Variants in VWA3A observed in about 807,000 individuals in gnomAD.
VWA3A encodes the protein von Willebrand factor A domain containing 3A.
A neutral mutation model predicts 160.4 loss-of-function variants in VWA3A; 134 were observed. The ratio of observed to expected loss-of-function variants is 0.84; its 90% confidence interval spans 0.73 to 0.96. The LOEUF (loss-of-function observed/expected upper bound fraction) is 0.96, where lower values mean the gene tolerates loss of function less well. VWA3A is among the 40% of genes least tolerant of loss of function. VWA3A has a pLI of 0.00. For synonymous variants in VWA3A, 476 were observed against 543.4 expected (o/e 0.88, Z 1.72); for missense variants, 1,310 against 1,447.9 (o/e 0.90, Z 1.55).
chr16:22,102,822 C>T (rs979405911), intron 5 of VWA3A, among the ~76,000 whole-genome samples: 10 of 152,170 alleles, frequency 6.6e-5, no homozygotes, highest in Non-Finnish European at 1.5e-4. Flanking sequence ...CCACCCTCCA[C>T]AGACCTGCCC....
chr16:22,136,486 G>A (rs914334856), intron 21 of VWA3A, among the ~76,000 whole-genome samples: 1 of 152,110 alleles, frequency 6.6e-6, no homozygotes, highest in Non-Finnish European at 1.5e-5. Flanking sequence ...GGCAGTTCAA[G>A]CCACAGTGAC....
intron 3 of VWA3A, among the ~76,000 whole-genome samples, chr16:22,098,349 A>G (rs913493099): frequency 2.6e-5 from 4 of 152,240 alleles, no homozygotes; most frequent in Non-Finnish European, 4.4e-5. Context: ...TGATTTACTT[A>G]GGTTCTGGCA....
At chr16:22,152,230 G>A (rs1313177819) in intron 30 of VWA3A, among the ~76,000 whole-genome samples, 2 of 152,066 alleles carry the variant, frequency 1.3e-5, no homozygotes, top group Non-Finnish European at 2.9e-5. Context: ...AAGAAATGGG[G>A]GCTGGAGTGT....
intron 8 of VWA3A, among the ~76,000 whole-genome samples, chr16:22,113,380 T>G (rs1279905734): frequency 1.6e-4 from 18 of 110,398 alleles, no homozygotes; most frequent in African/African-American, 9.4e-4. Flanking sequence ...TTTTTTTTTT[T>G]TTTTTTTTTT....
intron 6 of VWA3A, among the ~76,000 whole-genome samples, chr16:22,107,387 T>C (rs1189262306): frequency 6.6e-6 from 1 of 152,132 alleles, no homozygotes; most frequent in African/African-American, 2.4e-5. Context: ...ATGTCAATAG[T>C]GCCAAATGCC....
intron 1 of VWA3A, among the ~76,000 whole-genome samples, chr16:22,093,931 A>AT (rs1901434980): frequency 7.7e-6 from 1 of 130,224 alleles, no homozygotes; most frequent in Non-Finnish European, 1.5e-5. Flanking sequence ...TGCCCAGCTA[A>AT]TTTTTGTATT....
At chr16:22,141,853 G>C (rs1249274703) in intron 24 of VWA3A, among the ~76,000 whole-genome samples, 161 bp downstream of exon 24, 1 of 152,190 alleles carries the variant, frequency 6.6e-6, no homozygotes, top group Admixed American at 6.5e-5. Flanking sequence ...CCAGCCCTGG[G>C]AAATGGACAT....
At chr16:22,097,817 T>A in intron 3 of VWA3A, 122 bp downstream of exon 3, 1 of 1,303,934 alleles carries the variant, frequency 7.7e-7, no homozygotes, top group Non-Finnish European at 1.0e-6. Flanking sequence ...AAGGAGTAAT[T>A]AAGCATTTAT....
At position 22,110,180 on chromosome 16, in the gene VWA3A, T is replaced by G. The variant is rs144078664; in HGVS notation, c.582+600T>G. 1.5e-3 allele frequency among the ~76,000 whole-genome samples: 229 copies of G among 152,302 alleles called. 2 individuals are homozygous for G. Among genetic ancestry groups the G allele is most frequent in the African/African-American group, 5.3e-3 (222 of 41,568 alleles). On this transcript the variant is annotated intron_variant, in intron 7 of 33. Transcript: ENST00000389398. ...AATGGGGATGATAACCCTAAGTGGCTACCTAGGGTTGCCATAAGGGTAAAA... is the reference window on the plus strand; with the variant it reads ...AATGGGGATGATAACCCTAAGTGGCGACCTAGGGTTGCCATAAGGGTAAAA...
Position 22,092,581 on chromosome 16 carries a change from C to T in VWA3A, c.-57C>T. The T allele has an allele frequency of 5.8e-6, 9 of 1,546,152 alleles. No homozygotes were observed. The South Asian group carries it at 9.6e-5, about 16-fold the overall frequency. On this transcript the variant is annotated 5_prime_UTR_variant, in exon 1 of 34. Coordinates refer to ENST00000389398, the MANE Select transcript of VWA3A (RefSeq NM_173615.5). Reference sequence around the variant, plus strand: ...GCTTGGAGAAACCAGAAGTGAGATCCAGGAGAAGTAAGGCCCTGGAGTGCC... The same window carrying T: ...GCTTGGAGAAACCAGAAGTGAGATCTAGGAGAAGTAAGGCCCTGGAGTGCC...
In VWA3A at chr16:22,110,926, G is replaced by C; in HGVS notation, c.621G>C (p.Leu207=). The part of the protein sequence containing the change: ...IDEQLSHKEK[L]FVLSFGTNAG... The stretch of plus-strand genomic sequence containing the variant: ...AGCAGCTGAGCCACAAGGAGAAGCT[G>C]TTTGTCCTGTCCTTTGGCACCAATG... The change falls in exon 8 of 34, where the codon CTG becomes CTC. Residue 207 remains leucine, a synonymous_variant. Coordinates refer to ENST00000389398, the MANE Select transcript of VWA3A (RefSeq NM_173615.5). 1 of 1,610,426 alleles carries C rather than the reference G, an allele frequency of 6.2e-7. No homozygotes were observed. Among genetic ancestry groups the C allele is most frequent in the Non-Finnish European group, 8.5e-7 (1 of 1,178,532 alleles).
rs577923087 is a variant in VWA3A, at chr16:22,132,883, C to G, written c.1873-17C>G. 3 of 1,604,964 alleles carry G rather than the reference C, an allele frequency of 1.9e-6. No homozygotes were observed. Among genetic ancestry groups the G allele is most frequent in the Admixed American group, 3.3e-5 (2 of 59,898 alleles). ...GCCCTCAGCTGCTGGCCCCTCCTACCTTCTCTTCCCCACCAGCCTACACTC... is the reference window on the plus strand; with the variant it reads ...GCCCTCAGCTGCTGGCCCCTCCTACGTTCTCTTCCCCACCAGCCTACACTC... On this transcript the variant is annotated splice_polypyrimidine_tract_variant and intron_variant, in intron 19 of 33. Coordinates refer to ENST00000389398, the MANE Select transcript of VWA3A (RefSeq NM_173615.5).
At chr16:22,124,530 CTATTATTATTAT>C (rs10564178) in intron 16 of VWA3A, among the ~76,000 whole-genome samples, 13,593 of 141,088 alleles carry the variant, frequency 0.096, 760 homozygotes, top group African/African-American at 0.16. Context: ...TACTATACAT[CTATTATTATTAT>C]TATTATTATT....
intron 30 of VWA3A, among the ~76,000 whole-genome samples, chr16:22,151,763 C>A (rs1253544339): frequency 1.3e-5 from 2 of 151,124 alleles, no homozygotes; most frequent in African/African-American, 4.9e-5. Context: ...ATACTCAGCT[C>A]CTTCAAAAAA....
intron 6 of VWA3A, among the ~76,000 whole-genome samples, chr16:22,106,644 G>A (rs984586783): frequency 2.6e-5 from 4 of 152,120 alleles, no homozygotes; most frequent in African/African-American, 9.7e-5. Context: ...AGATGAGCAG[G>A]TTGAAGTCCG....
Position 22,138,494 on chromosome 16 carries a change from C to A in VWA3A, c.2274C>A (p.Val758=), listed in dbSNP as rs746983091. 9 of 1,613,938 alleles carry A rather than the reference C, an allele frequency of 5.6e-6. No homozygotes were observed. The highest frequency in any genetic ancestry group is 7.6e-6 in the Non-Finnish European group (9 of 1,179,868). Residue 758 remains valine, a synonymous_variant, in exon 22 of 34, where the codon GTC becomes GTA. Transcript: ENST00000389398. ...PKKLCPPRPT[V]PLGARMSIKD... is the part of the protein sequence containing the mutation. Reference sequence around the variant, plus strand: ...AGCTCTGCCCTCCCAGGCCCACCGTCCCCCTGGGGGCCAGAATGGTTTGAC... The same window carrying A: ...AGCTCTGCCCTCCCAGGCCCACCGTACCCCTGGGGGCCAGAATGGTTTGAC...
At chr16:22,096,002 G>A (rs1310849506) in intron 1 of VWA3A, among the ~76,000 whole-genome samples, 2 of 152,140 alleles carry the variant, frequency 1.3e-5, no homozygotes, top group Non-Finnish European at 2.9e-5. Context: ...CTATCTTAGT[G>A]GTTTACAACT....
intron 26 of VWA3A, 84 bp downstream of exon 26, chr16:22,144,468 C>T (rs2046212247): frequency 1.3e-6 from 2 of 1,522,722 alleles, no homozygotes; most frequent in Non-Finnish European, 8.8e-7. Flanking sequence ...GCACTGTGGC[C>T]TCTATTTCTG....
At chr16:22,094,690 C>T (rs935478543) in intron 1 of VWA3A, among the ~76,000 whole-genome samples, 12 of 152,102 alleles carry the variant, frequency 7.9e-5, no homozygotes, top group Admixed American at 4.6e-4. Context: ...GCAGGTTGGG[C>T]GTGGTGGCTC....
Sources: allele counts gnomAD v4.1 joint callset (sites outside exome capture counted in the v4.1 genomes callset), GRCh38; gene constraint gnomAD v4.1.1; transcripts MANE v1.5; gene names NCBI Gene and HGNC (gene_info 2026-07-23, HGNC 2026-07-21).